NUF2: variants seen among roughly 807,000 people sequenced by gnomAD.
The protein encoded by NUF2 is kinetochore protein Nuf2.
NUF2 carries 34 observed loss-of-function variants against 61.8 expected under a neutral mutation model. The ratio of observed to expected loss-of-function variants is 0.55; its 90% confidence interval spans 0.42 to 0.73. NUF2 has a LOEUF of 0.73. Ranked by LOEUF, NUF2 falls within the 30% of genes least tolerant of loss-of-function variation. NUF2 has a pLI of 0.00. For missense variants in NUF2, 445 were observed against 539.1 expected, an observed-to-expected ratio of 0.83 and a Z score of 1.73; for synonymous variants, 172 against 181.6, an observed-to-expected ratio of 0.95 and a Z score of 0.42.
chr1:163,349,579 G>A (rs909073663), intron 13 of NUF2, among the ~76,000 whole-genome samples: 8 of 151,614 alleles, frequency 5.3e-5, no homozygotes, highest in Admixed American at 3.9e-4. Flanking sequence ...AACTTAGATT[G>A]AGGTTTCTAA....
intron 13 of NUF2, among the ~76,000 whole-genome samples, chr1:163,354,449 T>C (rs1651423678): frequency 6.6e-6 from 1 of 152,154 alleles, no homozygotes; most frequent in Non-Finnish European, 1.5e-5. Context: ...CTATATCAAA[T>C]TATAATCTAT....
At chr1:163,349,165 C>A in intron 13 of NUF2, 85 bp downstream of exon 13, 1 of 1,174,698 alleles carries the variant, frequency 8.5e-7, no homozygotes, top group Non-Finnish European at 1.2e-6. Context: ...CTTACTTGGT[C>A]TCTGTGTAAT....
intron 6 of NUF2, 108 bp from the exon 7 acceptor site, chr1:163,337,909 ATCT>A: frequency 1.3e-6 from 1 of 783,718 alleles, no homozygotes; most frequent in Non-Finnish European, 2.2e-6. Context: ...GCCTAACTCT[ATCT>A]TAAATTTTTT....
intron 2 of NUF2, among the ~76,000 whole-genome samples, chr1:163,327,098 T>TCACA (rs752584850): frequency 0.034 from 1,137 of 33,274 alleles, 9 homozygotes; most frequent in Non-Finnish European, 0.076. Flanking sequence ...TTTCCTGTGT[T>TCACA]CACACACACA....
chr1:163,333,404 A>C (rs1650661564), intron 5 of NUF2, among the ~76,000 whole-genome samples: 1 of 151,968 alleles, frequency 6.6e-6, no homozygotes, highest in South Asian at 2.1e-4. Flanking sequence ...ATTTACATTT[A>C]ATGTTATTAT....
At chr1:163,352,432 C>T (rs1045939451) in intron 13 of NUF2, among the ~76,000 whole-genome samples, 3 of 152,166 alleles carry the variant, frequency 2.0e-5, no homozygotes, top group African/African-American at 7.2e-5. Context: ...AAACAAGGGC[C>T]ATTTTCCTTC....
At position 163,347,836 on chromosome 1, in the gene NUF2, T is replaced by A; in HGVS notation, c.1022T>A (p.Phe341Tyr). 6.2e-7 allele frequency: 1 copy of A among 1,612,174 alleles called. No individual in the cohort carries two copies. The highest frequency in any genetic ancestry group is 8.5e-7 in the Non-Finnish European group (1 of 1,179,294). ...LKKLKTEENS[F>Y]KRLMIVKKEK... ...AAATTGAAGACTGAAGAAAATTCGT[T>A]CAAAAGACTGATGATTGTGAAGAAG... Residue 341 changes from phenylalanine to tyrosine, a missense_variant, in exon 12 of 14, where the codon TTC (phenylalanine) becomes TAC (tyrosine). Transcript: ENST00000271452.
chr1:163,349,974 G>A (rs928529440), intron 13 of NUF2, among the ~76,000 whole-genome samples: 1 of 151,414 alleles, frequency 6.6e-6, no homozygotes, highest in Non-Finnish European at 1.5e-5. Flanking sequence ...TATTCACCAA[G>A]AGTCAGTCTC....
chr1:163,341,232 C>G (rs1650934839), intron 9 of NUF2, among the ~76,000 whole-genome samples: 1 of 151,998 alleles, frequency 6.6e-6, no homozygotes, highest in African/African-American at 2.4e-5. Context: ...TTTTTTGAGA[C>G]AGAGTCTCAC....
chr1:163,347,544 C>T (rs551349843), intron 11 of NUF2, among the ~76,000 whole-genome samples: 79 of 152,314 alleles, frequency 5.2e-4, no homozygotes, highest in Non-Finnish European at 9.4e-4. Flanking sequence ...TGATAGAAAA[C>T]ACCTCTCTAG....
At chr1:163,341,066 G>T (rs1432699940) in intron 9 of NUF2, among the ~76,000 whole-genome samples, 1 of 152,110 alleles carries the variant, frequency 6.6e-6, no homozygotes, top group African/African-American at 2.4e-5. Flanking sequence ...CTGATTTCTA[G>T]AAAGATACCA....
At position 163,340,942 on chromosome 1, in the gene NUF2, A is replaced by G. The variant is rs12044031; in HGVS notation, c.669+516A>G. Among the ~76,000 whole-genome samples the G allele has an allele frequency of 0.011, 1,660 of 152,296 alleles. 122 individuals are homozygous for G. In the East Asian group the frequency reaches 0.21, roughly 20 times the overall value. ...ATGTATGTGTGTATCATATGCATACATATGTACATACATACATTTCTGCAA... is the reference window on the plus strand; with the variant it reads ...ATGTATGTGTGTATCATATGCATACGTATGTACATACATACATTTCTGCAA... On this transcript the variant is annotated intron_variant, in intron 9 of 13. Coordinates refer to ENST00000271452, the MANE Select transcript of NUF2 (RefSeq NM_145697.3).
intron 1 of NUF2, among the ~76,000 whole-genome samples, chr1:163,324,830 G>C (rs1650357721): frequency 6.6e-6 from 1 of 151,660 alleles, no homozygotes; most frequent in Non-Finnish European, 1.5e-5. Flanking sequence ...CATAATTCCA[G>C]TACATTGTAA....
chr1:163,328,587 T>G (rs182248065), intron 4 of NUF2: 653 of 506,922 alleles, frequency 1.3e-3, no homozygotes, highest in African/African-American at 0.011. Flanking sequence ...TAAAAGAGTC[T>G]TAGTGTCACC....
At chr1:163,324,648 C>T (rs1375164160) in intron 1 of NUF2, among the ~76,000 whole-genome samples, 1 of 152,072 alleles carries the variant, frequency 6.6e-6, no homozygotes, top group African/African-American at 2.4e-5. Flanking sequence ...CTGAAGGTAA[C>T]ACAACAGGTA....
At chr1:163,347,962 G>A (rs754717333) in intron 12 of NUF2, 24 bp downstream of exon 12, 11 of 1,431,656 alleles carry the variant, frequency 7.7e-6, no homozygotes, top group Non-Finnish European at 1.0e-5. Flanking sequence ...TTCAATTTTA[G>A]TGTATTAGAA....
intron 3 of NUF2, chr1:163,327,846 T>A (rs1023178163): frequency 1.3e-5 from 5 of 396,560 alleles, no homozygotes; most frequent in African/African-American, 1.0e-4. Flanking sequence ...TAGGTTTGTT[T>A]TCAGAGACTA....
chr1:163,348,966 A>G lies in NUF2; in HGVS notation c.1146A>G (p.Glu382=). The part of the protein sequence containing the change: ...TVIEDCNKVQ[E]KRGAVYERVT... The stretch of plus-strand genomic sequence containing the variant: ...TCAGGGATTGCAATAAAGTTCAAGA[A>G]AAAAGAGGTGCTGTCTATGAACGAG... The change falls in exon 13 of 14, where the codon GAA becomes GAG. Residue 382 remains glutamate, a synonymous_variant. Transcript: ENST00000271452. The G allele has an allele frequency of 6.2e-7, 1 of 1,605,058 alleles. No individual in the cohort carries two copies. The highest frequency in any genetic ancestry group is 8.5e-7 in the Non-Finnish European group (1 of 1,178,010).
chr1:163,348,068 T>C, intron 12 of NUF2, 130 bp downstream of exon 12: 1 of 586,082 alleles, frequency 1.7e-6, no homozygotes, highest in South Asian at 3.1e-5. Flanking sequence ...ATTTCACCTT[T>C]AGTTGACTAA....
Sources: allele counts gnomAD v4.1 joint callset (sites outside exome capture counted in the v4.1 genomes callset), GRCh38; gene constraint gnomAD v4.1.1; transcripts MANE v1.5; gene names NCBI Gene and HGNC (gene_info 2026-07-23, HGNC 2026-07-21).